The following PLEKHM3 variants were observed in gnomAD, a reference collection of about 807,000 sequenced individuals.
PLEKHM3 encodes pleckstrin homology domain-containing family M member 3.
PLEKHM3 carries 45 observed loss-of-function variants against 81.8 expected under a neutral mutation model. The ratio of observed to expected loss-of-function variants is 0.55; its 90% CI spans 0.43 to 0.71. The LOEUF is 0.71. Among genes scored for constraint, PLEKHM3 ranks in the 30% least tolerant of loss-of-function variants. The pLI is 0.00. For missense variants in PLEKHM3, 788 were observed against 924.3 expected, an observed-to-expected ratio of 0.85 and a Z score of 1.91; for synonymous variants, 352 against 356.4, an observed-to-expected ratio of 0.99 and a Z score of 0.14.
intron 2 of PLEKHM3, among the ~76,000 whole-genome samples, chr2:207,988,810 T>C (rs1344453175): frequency 1.3e-5 from 2 of 152,188 alleles, no homozygotes; most frequent in Admixed American, 1.3e-4. Flanking sequence ...TCTGGCCTCA[T>C]CTCATATCAT....
chr2:207,996,263 G>C (rs1411592757), intron 2 of PLEKHM3, among the ~76,000 whole-genome samples: 1 of 152,148 alleles, frequency 6.6e-6, no homozygotes, highest in Non-Finnish European at 1.5e-5. Context: ...AAAAGCCTAT[G>C]TTCATTTTTC....
At chr2:207,829,000 A>T (rs554469053) in intron 7 of PLEKHM3, among the ~76,000 whole-genome samples, 1 of 152,318 alleles carries the variant, frequency 6.6e-6, no homozygotes, top group South Asian at 2.1e-4. Flanking sequence ...ATAAAATGAC[A>T]CATTTTCATT....
chr2:207,825,801 A>G lies in PLEKHM3; in HGVS notation c.*2518T>C, dbSNP rs1319582979. 1.3e-5 allele frequency: 2 copies of G among 152,216 alleles called. No homozygotes were observed. The highest frequency in any genetic ancestry group is 1.3e-4 in the Admixed American group (2 of 15,270). The allele number at this position is 152,216 out of a possible 1,614,324, so 9.4% of individuals were successfully genotyped here. ...CCAGCTCTGGGTAGCTGATGGTGAT[A>G]ACACATCGATTTTTTGTTTCCCTTT... is the stretch of plus-strand genomic sequence containing the variant. On this transcript the variant is annotated 3_prime_UTR_variant, in exon 8 of 8. Transcript: ENST00000427836.
At chr2:207,943,597 G>C (rs1025588016) in intron 4 of PLEKHM3, among the ~76,000 whole-genome samples, 3 of 151,912 alleles carry the variant, frequency 2.0e-5, no homozygotes, top group Admixed American at 1.3e-4. Context: ...GGCCGGGCGC[G>C]GTGGCTCACG....
At chr2:208,000,971 A>G in intron 2 of PLEKHM3, 59 bp downstream of exon 2, 2 of 1,363,678 alleles carry the variant, frequency 1.5e-6, no homozygotes. Flanking sequence ...AGCTTATCTG[A>G]GTCACAGCCC....
chr2:207,853,357 C>A (rs2092422550), intron 7 of PLEKHM3, among the ~76,000 whole-genome samples: 1 of 150,058 alleles, frequency 6.7e-6, no homozygotes, highest in Admixed American at 6.7e-5. Context: ...GCAGAGGTTG[C>A]AGTGAGCTGA....
At chr2:207,853,473 C>G (rs2092423300) in intron 7 of PLEKHM3, among the ~76,000 whole-genome samples, 1 of 149,604 alleles carries the variant, frequency 6.7e-6, no homozygotes, top group Non-Finnish European at 1.5e-5. Context: ...GTGGCTCACA[C>G]CTATAATCCC....
At chr2:207,958,931 TAATAA>T (rs940277720) in intron 3 of PLEKHM3, among the ~76,000 whole-genome samples, 4 of 151,670 alleles carry the variant, frequency 2.6e-5, no homozygotes, top group African/African-American at 7.3e-5. Context: ...ATAATAATAA[TAATAA>T]AATAAAATAA....
chr2:207,842,795 A>C (rs754465487), intron 7 of PLEKHM3, among the ~76,000 whole-genome samples: 1 of 152,170 alleles, frequency 6.6e-6, no homozygotes, highest in Non-Finnish European at 1.5e-5. Flanking sequence ...TATTTTTTTC[A>C]ACACCACACA....
chr2:208,002,808 G>C (rs1023314940), intron 1 of PLEKHM3, among the ~76,000 whole-genome samples: 1 of 151,848 alleles, frequency 6.6e-6, no homozygotes, highest in South Asian at 2.1e-4. Context: ...GTAGATAGTA[G>C]CCATTATGAC....
chr2:207,941,829 A>T (rs1211673189), intron 4 of PLEKHM3, among the ~76,000 whole-genome samples: 1 of 152,242 alleles, frequency 6.6e-6, no homozygotes, highest in Non-Finnish European at 1.5e-5. Context: ...AATTCTCAAT[A>T]AACACATACA....
At chr2:207,923,336 G>A (rs567458105) in intron 5 of PLEKHM3, among the ~76,000 whole-genome samples, 2 of 152,274 alleles carry the variant, frequency 1.3e-5, no homozygotes, top group Non-Finnish European at 2.9e-5. Context: ...AGCTAGGTGC[G>A]GTGGCTCATG....
At position 207,839,058 on chromosome 2, in the gene PLEKHM3, C is replaced by CTTAA. The variant is rs1027648777; in HGVS notation, c.2109-10566_2109-10563dup. On this transcript the variant is annotated intron_variant, in intron 7 of 7. Coordinates refer to ENST00000427836, the MANE Select transcript of PLEKHM3 (RefSeq NM_001080475.3). ...TTCTCATGATTTACCAGTCTACCTTCTTAATGTAAAATTGAAACATTTACC... is the reference window on the plus strand; with the variant it reads ...TTCTCATGATTTACCAGTCTACCTTCTTAATTAATGTAAAATTGAAACATTTACC... 3.2e-4 allele frequency among the ~76,000 whole-genome samples: 48 copies of CTTAA among 152,232 alleles called. 1 individual carries two copies. The highest frequency in any genetic ancestry group is 1.0e-3 in the African/African-American group (42 of 41,558).
chr2:207,865,801 A>AAAAATAT lies in PLEKHM3; in HGVS notation c.1951-4540_1951-4539insATATTTT. On this transcript the variant is annotated intron_variant, in intron 6 of 7. Transcript: ENST00000427836. ...CGACTCAAAAAAAAAAAAAAAAAAA[A>AAAAATAT]AGATATATATATATATATATATATA... 1.7e-3 allele frequency among the ~76,000 whole-genome samples: 42 copies of AAAAATAT among 25,284 alleles called. 9 individuals are homozygous for AAAAATAT. The highest frequency in any genetic ancestry group is 6.1e-3 in the African/African-American group (29 of 4,788). The allele number at this position is 25,284 out of a possible 152,430, so 16.6% of individuals were successfully genotyped here. A position where few individuals can be genotyped will look rare whatever the true frequency, so the allele number is the denominator to read the frequency against.
chr2:207,971,140 T>C (rs1691106826), intron 3 of PLEKHM3, among the ~76,000 whole-genome samples: 1 of 152,252 alleles, frequency 6.6e-6, no homozygotes, highest in Non-Finnish European at 1.5e-5. Flanking sequence ...GAGCTTTGCA[T>C]CTCTTGTCAC....
intron 1 of PLEKHM3, among the ~76,000 whole-genome samples, chr2:208,021,450 T>A (rs1470814162): frequency 6.6e-6 from 1 of 152,234 alleles, no homozygotes; most frequent in Non-Finnish European, 1.5e-5. Context: ...TTATTTTCAA[T>A]CTTTTCAATT....
intron 6 of PLEKHM3, among the ~76,000 whole-genome samples, chr2:207,872,838 CAAACA>C (rs2092541907): frequency 1.3e-5 from 2 of 152,104 alleles, no homozygotes; most frequent in African/African-American, 2.4e-5. Flanking sequence ...AACAAACAAA[CAAACA>C]AACAAACACC....
chr2:207,930,391 T>A (rs1167513038), intron 5 of PLEKHM3, among the ~76,000 whole-genome samples: 2 of 151,770 alleles, frequency 1.3e-5, no homozygotes, highest in African/African-American at 4.8e-5. Context: ...AAGACCAGCC[T>A]GGGCAACAGA....
intron 7 of PLEKHM3, among the ~76,000 whole-genome samples, chr2:207,844,696 T>A (rs1463445112): frequency 6.6e-6 from 1 of 152,190 alleles, no homozygotes; most frequent in East Asian, 1.9e-4. Flanking sequence ...GTGGTGGTGA[T>A]GATCCCAACT....
Sources: gnomAD v4.1 joint callset for allele counts (sites outside exome capture counted in the v4.1 genomes callset) on GRCh38, gnomAD v4.1.1 for gene constraint, MANE v1.5 for transcripts, NCBI Gene and HGNC (gene_info 2026-07-23, HGNC 2026-07-21) for gene names.